Variants in CTNNA3 observed in about 807,000 individuals in gnomAD.
CTNNA3 encodes catenin alpha-3.
Under a neutral mutation model 95.7 loss-of-function variants are expected in CTNNA3, and 76 were observed. The observed-to-expected ratio is 0.79, with a 90% CI of 0.66 to 0.96. The LOEUF (loss-of-function observed/expected upper bound fraction) is 0.96, where lower values mean the gene tolerates loss of function less well. Ranked by LOEUF, CTNNA3 falls within the 40% of genes least tolerant of loss-of-function variation. The pLI is 0.00. For missense variants in CTNNA3, 1,191 were observed against 1,089.8 expected (o/e 1.09, Z -1.31); for synonymous variants, 431 against 374.4 (o/e 1.15, Z -1.74).
intron 13 of CTNNA3, among the ~76,000 whole-genome samples, chr10:66,279,091 G>A (rs1424730741): frequency 6.6e-6 from 1 of 152,022 alleles, no homozygotes; most frequent in African/African-American, 2.4e-5. Flanking sequence ...GTTTTCCCAA[G>A]CCTCAGTGTA....
At chr10:66,177,968 T>C (rs748380883) in intron 13 of CTNNA3, among the ~76,000 whole-genome samples, 2 of 151,916 alleles carry the variant, frequency 1.3e-5, no homozygotes, top group African/African-American at 4.8e-5. Context: ...TTCATGAACA[T>C]TTATCATGTC....
At chr10:66,599,341 A>C (rs532929144) in intron 10 of CTNNA3, among the ~76,000 whole-genome samples, 2 of 152,164 alleles carry the variant, frequency 1.3e-5, no homozygotes, top group African/African-American at 2.4e-5. Flanking sequence ...AGCTTGGTTC[A>C]TAGGCACAGG....
chr10:66,878,194 AT>A (rs1390911437), intron 7 of CTNNA3, among the ~76,000 whole-genome samples: 1 of 152,058 alleles, frequency 6.6e-6, no homozygotes, highest in Non-Finnish European at 1.5e-5. Flanking sequence ...TATCTTCCAC[AT>A]TTTTCTCTGT....
intron 7 of CTNNA3, among the ~76,000 whole-genome samples, chr10:67,014,337 T>C (rs1270810699): frequency 2.6e-5 from 4 of 152,180 alleles, no homozygotes; most frequent in Non-Finnish European, 5.9e-5. Flanking sequence ...TTGAAGGGAA[T>C]CTTGGCTTCT....
chr10:66,598,833 T>C (rs1408642120), intron 10 of CTNNA3, among the ~76,000 whole-genome samples: 1 of 152,036 alleles, frequency 6.6e-6, no homozygotes, highest in Non-Finnish European at 1.5e-5. Flanking sequence ...CTAAGTGATC[T>C]ATAAATTCAC....
At chr10:65,945,960 G>A (rs931590597) in intron 17 of CTNNA3, among the ~76,000 whole-genome samples, 1 of 152,092 alleles carries the variant, frequency 6.6e-6, no homozygotes, top group African/African-American at 2.4e-5. Flanking sequence ...AGGAACCCTG[G>A]ATCTGCTCAA....
At chr10:66,042,077 A>G (rs1404432750) in intron 15 of CTNNA3, among the ~76,000 whole-genome samples, 1 of 151,974 alleles carries the variant, frequency 6.6e-6, no homozygotes, top group Non-Finnish European at 1.5e-5. Flanking sequence ...ATGACATGCT[A>G]TTTTGTATCT....
intron 14 of CTNNA3, among the ~76,000 whole-genome samples, chr10:66,094,884 A>C (rs1027592976): frequency 6.6e-6 from 1 of 152,156 alleles, no homozygotes; most frequent in East Asian, 1.9e-4. Context: ...CTTAGAAGAG[A>C]GTAAAACCAG....
At chr10:66,247,572 T>C (rs1478856437) in intron 13 of CTNNA3, among the ~76,000 whole-genome samples, 2 of 151,624 alleles carry the variant, frequency 1.3e-5, no homozygotes, top group Non-Finnish European at 2.9e-5. Flanking sequence ...AGGTTGAAAA[T>C]AAAAAAAGGA....
chr10:66,729,302 G>T, intron 9 of CTNNA3, among the ~76,000 whole-genome samples: 1 of 152,230 alleles, frequency 6.6e-6, no homozygotes, highest in East Asian at 1.9e-4. Context: ...AAAAACAACA[G>T]ATGCTGGCGA....
intron 7 of CTNNA3, among the ~76,000 whole-genome samples, chr10:66,893,552 A>C (rs1321676591): frequency 6.6e-6 from 1 of 152,084 alleles, no homozygotes; most frequent in Non-Finnish European, 1.5e-5. Context: ...CAAAAAAAAA[A>C]AAACCCATTT....
chr10:66,508,246 A>C (rs4287242), intron 11 of CTNNA3, among the ~76,000 whole-genome samples: 18,916 of 137,060 alleles, frequency 0.14, 1,387 homozygotes, highest in Middle Eastern at 0.17. Flanking sequence ...TGACTCTCAG[A>C]GTCTAAGACT....
intron 1 of CTNNA3, among the ~76,000 whole-genome samples, chr10:67,668,061 C>T (rs932952787): frequency 2.0e-5 from 3 of 152,066 alleles, no homozygotes; most frequent in African/African-American, 7.2e-5. Context: ...TACTTTTCAG[C>T]TCTGAGTTTG....
At chr10:66,349,859 A>G (rs2092553587) in intron 12 of CTNNA3, among the ~76,000 whole-genome samples, 2 of 152,074 alleles carry the variant, frequency 1.3e-5, no homozygotes, top group Non-Finnish European at 2.9e-5. Flanking sequence ...TATACTCATC[A>G]TTTACTCTTC....
At chr10:66,399,853 C>T (rs2093006956) in intron 11 of CTNNA3, among the ~76,000 whole-genome samples, 1 of 151,904 alleles carries the variant, frequency 6.6e-6, no homozygotes, top group Non-Finnish European at 1.5e-5. Flanking sequence ...AATATATCCC[C>T]TGATATGGAT....
chr10:67,034,545 T>A (rs1327399337), intron 7 of CTNNA3, among the ~76,000 whole-genome samples: 1 of 152,196 alleles, frequency 6.6e-6, no homozygotes, highest in Non-Finnish European at 1.5e-5. Context: ...CTACCCTCCA[T>A]TAACACATTT....
chr10:67,675,631 C>T (rs908667632), intron 1 of CTNNA3, among the ~76,000 whole-genome samples: 1 of 152,144 alleles, frequency 6.6e-6, no homozygotes, highest in Non-Finnish European at 1.5e-5. Context: ...CACATTCCGA[C>T]AGGCAAAACA....
At position 67,490,762 on chromosome 10, in the gene CTNNA3, G is replaced by A. The variant is rs1381379844; in HGVS notation, c.579+31080C>T. 2.0e-5 allele frequency among the ~76,000 whole-genome samples: 3 copies of A among 152,264 alleles called. No homozygotes were observed. The East Asian group carries it at 5.8e-4, about 29-fold the overall frequency. On this transcript the variant is annotated intron_variant, in intron 5 of 17. Coordinates refer to ENST00000433211, the MANE Select transcript of CTNNA3 (RefSeq NM_013266.4). ...ACTAGAAGGAGGAATGAGTATGTGG[G>A]GCTCTAAGAGGTGGTCTTAGAAAGG...
intron 1 of CTNNA3, among the ~76,000 whole-genome samples, chr10:67,685,999 C>T (rs1840724010): frequency 6.6e-6 from 1 of 151,810 alleles, no homozygotes; most frequent in African/African-American, 2.4e-5. Context: ...TCTTTCTCTC[C>T]ATCTTTTCTC....
Sources: allele counts gnomAD v4.1 joint callset (sites outside exome capture counted in the v4.1 genomes callset), GRCh38; gene constraint gnomAD v4.1.1; transcripts MANE v1.5; gene names NCBI Gene and HGNC (gene_info 2026-07-23, HGNC 2026-07-21).